Variants in RALGPS1 observed in about 807,000 individuals in gnomAD.
RALGPS1 encodes the protein Ral GEF with PH domain and SH3 binding motif 1, also known as ras-specific guanine nucleotide-releasing factor RalGPS1.
RALGPS1 carries 19 observed loss-of-function variants against 78.8 expected under a neutral mutation model. The ratio of observed to expected loss-of-function variants is 0.24; its 90% confidence interval spans 0.17 to 0.35. RALGPS1 has a LOEUF of 0.35. RALGPS1 is among the 10% of genes least tolerant of loss of function. The probability of loss-of-function intolerance (pLI) is 1.00; values close to 1 mark genes in which losing one functional copy is unlikely to be tolerated. For synonymous variants in RALGPS1, 228 were observed against 256.3 expected (o/e 0.89, Z 1.06); for missense variants, 454 against 688.3 (o/e 0.66, Z 3.81).
intron 8 of RALGPS1, among the ~76,000 whole-genome samples, chr9:127,163,558 C>G (rs1747575431): frequency 1.3e-5 from 2 of 152,216 alleles, no homozygotes; most frequent in Non-Finnish European, 2.9e-5. Context: ...CAATGTGCAT[C>G]TATTTTAAAA....
rs551067221 is a variant in RALGPS1 at position 127,217,140 on chromosome 9, G to T, written c.1645-1600G>T. 5.2e-5 allele frequency: 67 copies of T among 1,300,304 alleles called. No homozygotes were observed. The East Asian group carries it at 1.6e-3, about 31-fold the overall frequency. The allele number at this position is 1,300,304 out of a possible 1,614,324, so 80.5% of individuals were successfully genotyped here. ...AGTGCCTGGGCAGGCTGATCCAGCAGAGCACTAATGGGTCAGTTTCATGTA... is the reference window on the plus strand; with the variant it reads ...AGTGCCTGGGCAGGCTGATCCAGCATAGCACTAATGGGTCAGTTTCATGTA... On this transcript the variant is annotated intron_variant, in intron 18 of 18. Transcript: ENST00000259351.
chr9:127,084,686 T>G (rs894197482), intron 8 of RALGPS1, among the ~76,000 whole-genome samples: 4 of 152,146 alleles, frequency 2.6e-5, no homozygotes, highest in African/African-American at 9.7e-5. Flanking sequence ...GACAGTTCAT[T>G]CTCCCCTCTC....
chr9:127,210,785 A>T, intron 14 of RALGPS1: 1 of 1,542,350 alleles, frequency 6.5e-7, no homozygotes, highest in Non-Finnish European at 8.8e-7. Context: ...ACAGGTATTC[A>T]TGTGTTCATG....
At chr9:126,972,565 C>G (rs896506834) in intron 3 of RALGPS1, among the ~76,000 whole-genome samples, 4 of 152,250 alleles carry the variant, frequency 2.6e-5, no homozygotes, top group Middle Eastern at 3.4e-3. Flanking sequence ...AGCAGTGTGC[C>G]GCCACCTGCG....
chr9:127,108,098 G>T, intron 8 of RALGPS1: 1 of 1,612,248 alleles, frequency 6.2e-7, no homozygotes, highest in Non-Finnish European at 8.5e-7. Flanking sequence ...TGGGGGACGG[G>T]CCTGGCCGAG....
chr9:127,126,947 G>A (rs763178049), intron 8 of RALGPS1, among the ~76,000 whole-genome samples: 1 of 152,162 alleles, frequency 6.6e-6, no homozygotes, highest in African/African-American at 2.4e-5. Context: ...ATACATGAAA[G>A]ACATTCTGTA....
At chr9:127,035,641 C>A (rs750656866) in intron 5 of RALGPS1, among the ~76,000 whole-genome samples, 4 of 152,082 alleles carry the variant, frequency 2.6e-5, no homozygotes, top group Non-Finnish European at 4.4e-5. Flanking sequence ...GTTGCTCAAC[C>A]CTCTCCAGGC....
At chr9:126,922,939 A>C (rs2034912107) in intron 1 of RALGPS1, among the ~76,000 whole-genome samples, 1 of 152,176 alleles carries the variant, frequency 6.6e-6, no homozygotes, top group African/African-American at 2.4e-5. Flanking sequence ...TATGCTTTCT[A>C]GGGTAATTGC....
intron 8 of RALGPS1, among the ~76,000 whole-genome samples, chr9:127,104,600 G>A (rs1422324345): frequency 6.6e-6 from 1 of 152,248 alleles, no homozygotes; most frequent in Non-Finnish European, 1.5e-5. Context: ...AGCTGCCTGT[G>A]CCTCCTCACT....
chr9:127,094,400 A>G (rs2052867649), intron 8 of RALGPS1, among the ~76,000 whole-genome samples: 1 of 151,984 alleles, frequency 6.6e-6, no homozygotes, highest in Non-Finnish European at 1.5e-5. Flanking sequence ...CTGCAAGGAA[A>G]CTCAGTTCCA....
intron 8 of RALGPS1, among the ~76,000 whole-genome samples, chr9:127,074,071 G>A (rs569925038): frequency 8.7e-4 from 133 of 152,114 alleles, no homozygotes; most frequent in African/African-American, 3.1e-3. Context: ...TGGTAGAGAC[G>A]GGGTTTCACC....
chr9:127,006,296 C>T (rs2043835512), intron 4 of RALGPS1, among the ~76,000 whole-genome samples: 3 of 152,194 alleles, frequency 2.0e-5, no homozygotes. Context: ...TTGTTTTTCT[C>T]AGGGACTTAA....
At chr9:127,073,486 G>GTGTGTGTGTGTGTGTA (rs1194404856) in intron 8 of RALGPS1, among the ~76,000 whole-genome samples, 3 of 151,898 alleles carry the variant, frequency 2.0e-5, no homozygotes, top group Admixed American at 6.6e-5. Context: ...GTGTGTGTGT[G>GTGTGTGTGTGTGTGTA]TATAATATTT....
intron 8 of RALGPS1, among the ~76,000 whole-genome samples, chr9:127,131,477 G>A (rs963143573): frequency 2.0e-5 from 3 of 152,174 alleles, no homozygotes; most frequent in Non-Finnish European, 2.9e-5. Flanking sequence ...TGTGGATTAC[G>A]TCATTGAGTT....
intron 17 of RALGPS1, among the ~76,000 whole-genome samples, 200 bp from the exon 18 acceptor site, chr9:127,214,551 T>C (rs1377232534): frequency 2.6e-5 from 4 of 152,236 alleles, no homozygotes; most frequent in Non-Finnish European, 4.4e-5. Context: ...AAAGGCACCA[T>C]GGCCCCAAAA....
At chr9:126,974,972 C>A (rs553656230) in intron 3 of RALGPS1, among the ~76,000 whole-genome samples, 10 of 151,908 alleles carry the variant, frequency 6.6e-5, no homozygotes, top group South Asian at 2.1e-4. Flanking sequence ...TTCCCACCCC[C>A]CTTTTTGGTA....
At chr9:127,143,473 T>G (rs2057911331) in intron 8 of RALGPS1, among the ~76,000 whole-genome samples, 1 of 152,220 alleles carries the variant, frequency 6.6e-6, no homozygotes. Context: ...CCTATACTTT[T>G]TCTCCATAGC....
At chr9:127,045,856 G>A (rs2047724265) in intron 5 of RALGPS1, among the ~76,000 whole-genome samples, 1 of 151,502 alleles carries the variant, frequency 6.6e-6, no homozygotes, top group Admixed American at 6.6e-5. Flanking sequence ...GTAGCAGCAA[G>A]CATACTTCAT....
chr9:127,130,575 G>C (rs2056935106), intron 8 of RALGPS1, among the ~76,000 whole-genome samples: 1 of 152,196 alleles, frequency 6.6e-6, no homozygotes, highest in African/African-American at 2.4e-5. Context: ...TGTATATGAA[G>C]TCTGCTTAAC....
Sources: gnomAD v4.1 joint callset for allele counts (sites outside exome capture counted in the v4.1 genomes callset) on GRCh38, gnomAD v4.1.1 for gene constraint, MANE v1.5 for transcripts, NCBI Gene and HGNC (gene_info 2026-07-23, HGNC 2026-07-21) for gene names.